The following IL2RA variants were observed in gnomAD, a reference collection of about 807,000 sequenced individuals.
The protein encoded by IL2RA is interleukin 2 receptor subunit alpha.
Under a neutral mutation model 37.8 loss-of-function variants are expected in IL2RA, and 24 were observed. That is an observed-to-expected ratio of 0.63 (90% confidence interval 0.46 to 0.89). The LOEUF (loss-of-function observed/expected upper bound fraction) is 0.89, where lower values mean the gene tolerates loss of function less well. Among genes scored for constraint, IL2RA ranks in the 40% least tolerant of loss-of-function variants. The pLI, the probability that IL2RA is intolerant of heterozygous loss-of-function variation, is 0.00. For missense variants in IL2RA, 319 were observed against 348.6 expected (o/e 0.92, Z 0.68); for synonymous variants, 125 against 114.6 (o/e 1.09, Z -0.58).
intron 2 of IL2RA, among the ~76,000 whole-genome samples, chr10:6,024,735 C>G (rs1384893154): frequency 4.6e-5 from 7 of 152,204 alleles, no homozygotes; most frequent in Non-Finnish European, 1.0e-4. Flanking sequence ...TGTTGTTTGA[C>G]AGCAGCAGGA....
chr10:6,017,076 A>T (rs1839291070), intron 7 of IL2RA: 1 of 168,618 alleles, frequency 5.9e-6, no homozygotes, highest in African/African-American at 2.4e-5. Context: ...TATGAATAAC[A>T]CTGAGCCACA....
At chr10:6,026,573 T>C (rs1839487054) in intron 1 of IL2RA, among the ~76,000 whole-genome samples, 1 of 152,190 alleles carries the variant, frequency 6.6e-6, no homozygotes, top group Non-Finnish European at 1.5e-5. Context: ...TCTTATATTA[T>C]GAAGACCTTA....
chr10:6,043,202 T>A (rs1589305956), intron 1 of IL2RA, among the ~76,000 whole-genome samples: 1 of 152,244 alleles, frequency 6.6e-6, no homozygotes, highest in African/African-American at 2.4e-5. Context: ...TTAAAAAGAA[T>A]AAACATCAAA....
At position 6,056,259 on chromosome 10, in the gene IL2RA, T is replaced by G. The variant is rs1588326194; in HGVS notation, c.64+5829A>C. Among the ~76,000 whole-genome samples the G allele has an allele frequency of 6.6e-6, 1 of 152,224 alleles. No homozygotes were observed. The highest frequency in any genetic ancestry group is 1.5e-5 in the Non-Finnish European group (1 of 68,042). On this transcript the variant is annotated intron_variant, in intron 1 of 7. Transcript: ENST00000379959. This position sits in a 1 kb window ranked among gnomAD's most constrained non-coding sequence, Gnocchi z 5.0. ...ACTGTGAGCACAAGAGGATAAGAGC[T>G]GGAACTTTCTTCATCTCTGTAATCC... is the stretch of plus-strand genomic sequence containing the variant.
At position 6,044,401 on chromosome 10, in the gene IL2RA, T is replaced by G. The variant is rs538458542; in HGVS notation, c.64+17687A>C. ...GGTCAGGGCAGTTTTGCATTCATAT[T>G]TATATCTGCTTTTAATTACACGCAG... On this transcript the variant is annotated intron_variant, in intron 1 of 7. Transcript: ENST00000379959. The surrounding 1 kb of genome is among the most constrained non-coding windows in gnomAD (Gnocchi z 4.5). Among the ~76,000 whole-genome samples, 48 of 152,348 alleles carry G rather than the reference T, an allele frequency of 3.2e-4. 1 individual carries two copies. The highest frequency in any genetic ancestry group is 1.2e-3 in the African/African-American group (48 of 41,572).
intron 1 of IL2RA, among the ~76,000 whole-genome samples, chr10:6,034,108 A>G (rs897735492): frequency 1.3e-5 from 2 of 152,196 alleles, no homozygotes; most frequent in East Asian, 1.9e-4. Flanking sequence ...ATTCCATGAG[A>G]GTGCGTTTTT....
intron 1 of IL2RA, among the ~76,000 whole-genome samples, chr10:6,041,210 C>T (rs558039026): frequency 1.3e-5 from 2 of 150,232 alleles, no homozygotes; most frequent in South Asian, 2.1e-4. Context: ...CTCCGCCTCT[C>T]GGGTTCAGGC....
rs1433596286 is a variant in IL2RA, at chr10:6,047,861, G to A, written c.64+14227C>T. On this transcript the variant is annotated intron_variant, in intron 1 of 7. Coordinates refer to ENST00000379959, the MANE Select transcript of IL2RA (RefSeq NM_000417.3). The surrounding 1 kb of genome is among the most constrained non-coding windows in gnomAD (Gnocchi z 5.0). ...CATCATACACTAATAGAGTATAATAGTCAATATAATTAAAATTATTACTTA... is the reference window on the plus strand; with the variant it reads ...CATCATACACTAATAGAGTATAATAATCAATATAATTAAAATTATTACTTA... Among the ~76,000 whole-genome samples, 5 of 151,574 alleles carry A rather than the reference G, an allele frequency of 3.3e-5. No homozygotes were observed. Among genetic ancestry groups the A allele is most frequent in the Non-Finnish European group, 5.9e-5 (4 of 67,928 alleles).
chr10:6,019,749 G>A, intron 5 of IL2RA, 121 bp downstream of exon 5: 1 of 949,220 alleles, frequency 1.1e-6, no homozygotes, highest in Non-Finnish European at 1.7e-6. Flanking sequence ...AGAGGGAGAG[G>A]AGGCTGCTGT....
At position 6,048,603 on chromosome 10, in the gene IL2RA, C is replaced by G. The variant is rs1839901910; in HGVS notation, c.64+13485G>C. On this transcript the variant is annotated intron_variant, in intron 1 of 7. Coordinates refer to ENST00000379959, the MANE Select transcript of IL2RA (RefSeq NM_000417.3). The surrounding 1 kb of genome is among the most constrained non-coding windows in gnomAD (Gnocchi z 5.3). ...CTGTGTTATTCCCATTTTATACGAA[C>G]AGAAGCTGAGGCCCACCGAGGTTAA... is the stretch of plus-strand genomic sequence containing the variant. Among the ~76,000 whole-genome samples the G allele has an allele frequency of 6.6e-6, 1 of 152,204 alleles. No individual in the cohort carries two copies. The highest frequency in any genetic ancestry group is 2.1e-4 in the South Asian group (1 of 4,832).
chr10:6,018,245 C>T lies in IL2RA; in HGVS notation c.728-126G>A. 3 of 737,622 alleles carry T rather than the reference C, an allele frequency of 4.1e-6. No individual in the cohort carries two copies. The highest frequency in any genetic ancestry group is 3.0e-5 in the South Asian group (2 of 67,524). 45.7% of individuals were successfully genotyped at this position (737,622 alleles called of 1,614,324 possible). A position where few individuals can be genotyped will look rare whatever the true frequency, so the allele number is the denominator to read the frequency against. On this transcript the variant is annotated intron_variant, in intron 6 of 7. Coordinates refer to ENST00000379959, the MANE Select transcript of IL2RA (RefSeq NM_000417.3). The surrounding 1 kb of genome is among the most constrained non-coding windows in gnomAD (Gnocchi z 5.1). Reference sequence around the variant, plus strand: ...AAGGCGGAGGCTGCAGCCTCTCTTCCCTGTCTCAGGAAGTAGGTCCCTCCC... The same window carrying T: ...AAGGCGGAGGCTGCAGCCTCTCTTCTCTGTCTCAGGAAGTAGGTCCCTCCC...
chr10:6,017,390 A>G (rs1452530822), intron 7 of IL2RA, among the ~76,000 whole-genome samples: 1 of 152,060 alleles, frequency 6.6e-6, no homozygotes, highest in Admixed American at 6.6e-5. Flanking sequence ...TTCATGTTGC[A>G]GTGCTGGCCT....
chr10:6,049,375 C>A (rs1402622825), intron 1 of IL2RA, among the ~76,000 whole-genome samples: 1 of 152,180 alleles, frequency 6.6e-6, no homozygotes, highest in Non-Finnish European at 1.5e-5. Context: ...AGTCTACCAA[C>A]AAGAAATTTA....
Position 6,021,657 on chromosome 10 carries a change from G to T in IL2RA, c.404C>A (p.Ala135Asp). The T allele has an allele frequency of 6.2e-7, 1 of 1,614,128 alleles. No homozygotes were observed. The highest frequency in any genetic ancestry group is 8.5e-7 in the Non-Finnish European group (1 of 1,179,992). ...CREPPPWENE[A>D]TERIYHFVVG... ...CACGAAATGATAAATTCTCTCTGTG[G>T]CTTCATTTTCCCATGGTGGAGGTTC... Residue 135 changes from alanine (A) to aspartate (D), a missense_variant, in exon 4 of 8, where the codon GCC (alanine) becomes GAC (aspartate). Physicochemically the swap from Ala to Asp is moderately radical, Grantham distance 126 (BLOSUM62 -2). Transcript: ENST00000379959. The surrounding 1 kb of genome is among the most constrained non-coding windows in gnomAD (Gnocchi z 4.9).
chr10:6,018,513 T>C lies in IL2RA; in HGVS notation c.728-394A>G, dbSNP rs1006259789. Among the ~76,000 whole-genome samples the C allele has an allele frequency of 5.3e-5, 8 of 152,252 alleles. No homozygotes were observed. The South Asian group carries it at 1.7e-3, about 32-fold the overall frequency. ...TTCCAGATGCTGCTCTGCTGAGGTT[T>C]TGGAGGCTGACATTTGTTTACTTTC... On this transcript the variant is annotated intron_variant, in intron 6 of 7. Coordinates refer to ENST00000379959, the MANE Select transcript of IL2RA (RefSeq NM_000417.3). The surrounding 1 kb of genome is among the most constrained non-coding windows in gnomAD (Gnocchi z 5.1).
Position 6,028,443 on chromosome 10 carries a change from G to A in IL2RA, c.65-2418C>T, listed in dbSNP as rs904107215. On this transcript the variant is annotated intron_variant, in intron 1 of 7. Coordinates refer to ENST00000379959, the MANE Select transcript of IL2RA (RefSeq NM_000417.3). This position sits in a 1 kb window ranked among gnomAD's most constrained non-coding sequence, Gnocchi z 4.1. ...TTTCCAATCCTGCTTTAGAGAAAGA[G>A]GCATCCCTAGGATGAATTTCAAAAC... is the stretch of plus-strand genomic sequence containing the variant. Among the ~76,000 whole-genome samples the A allele has an allele frequency of 5.3e-5, 8 of 152,166 alleles. No homozygotes were observed. Among genetic ancestry groups the A allele is most frequent in the Non-Finnish European group, 1.0e-4 (7 of 68,018 alleles).
At position 6,044,781 on chromosome 10, in the gene IL2RA, T is replaced by A. The variant is rs1839825079; in HGVS notation, c.64+17307A>T. ...TAAGTGGTGGTATAGGGACTTCACC[T>A]CCCACTCCCCCTCCACCCACTCTTT... On this transcript the variant is annotated intron_variant, in intron 1 of 7. Coordinates refer to ENST00000379959, the MANE Select transcript of IL2RA (RefSeq NM_000417.3). The surrounding 1 kb of genome is among the most constrained non-coding windows in gnomAD (Gnocchi z 4.5). Among the ~76,000 whole-genome samples, 1 of 152,144 alleles carries A rather than the reference T, an allele frequency of 6.6e-6. No individual in the cohort carries two copies. Among genetic ancestry groups the A allele is most frequent in the Non-Finnish European group, 1.5e-5 (1 of 68,002 alleles).
At position 6,036,174 on chromosome 10, in the gene IL2RA, G is replaced by C. The variant is rs975278809; in HGVS notation, c.65-10149C>G. 5 of 152,206 alleles carry C rather than the reference G, an allele frequency of 3.3e-5. No homozygotes were observed. The highest frequency in any genetic ancestry group is 1.2e-4 in the African/African-American group (5 of 41,430). The allele number at this position is 152,206 out of a possible 1,614,324, so 9.4% of individuals were successfully genotyped here. On this transcript the variant is annotated intron_variant, in intron 1 of 7. Transcript: ENST00000379959. The surrounding 1 kb of genome is among the most constrained non-coding windows in gnomAD (Gnocchi z 6.1). The stretch of plus-strand genomic sequence containing the variant: ...AGATTCAACTTCTCTGTCTCTTTGT[G>C]TGCCCGCTAGAAAGGGAAAAGCCAG...
Position 6,028,382 on chromosome 10 carries a change from T to A in IL2RA, c.65-2357A>T, listed in dbSNP as rs1051643376. ...AGAAGAAGAGTTATGCTAAGTTTTA[T>A]TTATAAAAACAGGTGTCTGAGCTGT... On this transcript the variant is annotated intron_variant, in intron 1 of 7. Coordinates refer to ENST00000379959, the MANE Select transcript of IL2RA (RefSeq NM_000417.3). This position sits in a 1 kb window ranked among gnomAD's most constrained non-coding sequence, Gnocchi z 4.1. Among the ~76,000 whole-genome samples the A allele has an allele frequency of 6.6e-6, 1 of 152,226 alleles. No homozygotes were observed. Among genetic ancestry groups the A allele is most frequent in the Non-Finnish European group, 1.5e-5 (1 of 68,038 alleles).
Sources: gnomAD v4.1 joint callset for allele counts (sites outside exome capture counted in the v4.1 genomes callset) on GRCh38, gnomAD v4.1.1 for gene constraint, Gnocchi (gnomAD v3.1) non-coding constraint, MANE v1.5 for transcripts, NCBI Gene and HGNC (gene_info 2026-07-23, HGNC 2026-07-21) for gene names.